The following ACSF3 variants were observed in gnomAD, a reference collection of about 807,000 sequenced individuals.
ACSF3 encodes malonate--CoA ligase ACSF3, mitochondrial.
A neutral mutation model predicts 53.2 loss-of-function variants in ACSF3; 78 were observed. The ratio of observed to expected loss-of-function variants is 1.47; its 90% confidence interval spans 1.22 to 1.77. The LOEUF is 1.77. Among genes scored for constraint, ACSF3 ranks in the 40% most tolerant of loss-of-function variants. ACSF3 has a pLI of 0.00. For missense variants in ACSF3, 937 were observed against 771.1 expected, an observed-to-expected ratio of 1.22 and a Z score of -2.55; for synonymous variants, 414 against 333.1, an observed-to-expected ratio of 1.24 and a Z score of -2.65.
chr16:89,099,998 G>C (rs1463045281), intron 2 of ACSF3, among the ~76,000 whole-genome samples: 2 of 151,902 alleles, frequency 1.3e-5, no homozygotes, highest in Non-Finnish European at 2.9e-5. Flanking sequence ...AAAAAAAGCT[G>C]GGTGTGGTAT....
At chr16:89,121,454 T>A (rs1906631101) in intron 7 of ACSF3, among the ~76,000 whole-genome samples, 1 of 152,196 alleles carries the variant, frequency 6.6e-6, no homozygotes, top group South Asian at 2.1e-4. Flanking sequence ...ATTCTAAAGC[T>A]GACAAGGGTG....
intron 8 of ACSF3, among the ~76,000 whole-genome samples, chr16:89,144,191 C>T (rs952833572): frequency 3.3e-5 from 5 of 152,250 alleles, no homozygotes; most frequent in Admixed American, 2.6e-4. Flanking sequence ...CCGCTCTTCC[C>T]GACTCCCCAC....
chr16:89,143,003 T>C (rs1912163424), intron 8 of ACSF3, among the ~76,000 whole-genome samples: 1 of 152,044 alleles, frequency 6.6e-6, no homozygotes, highest in Non-Finnish European at 1.5e-5. Flanking sequence ...TGACTCACCA[T>C]GTCATGAGCC....
chr16:89,150,122 C>A (rs557439868), intron 10 of ACSF3: 2 of 152,364 alleles, frequency 1.3e-5, no homozygotes, highest in East Asian at 3.9e-4. Flanking sequence ...AGCTCACCTA[C>A]AGCAAATTAT....
rs151029399 is a variant in ACSF3 at position 89,118,799 on chromosome 16, CAG to C, written c.1127-1999_1127-1998del. ...CGTTCCCTGGGTCCCAGTCCCCAGT[CAG>C]AGTTATCAGGGAGGGGCTGGCTGAC... On this transcript the variant is annotated intron_variant, in intron 6 of 10. Transcript: ENST00000614302. Among the ~76,000 whole-genome samples the C allele has an allele frequency of 7.9e-3, 1,201 of 152,292 alleles. 21 individuals are homozygous for C. The highest frequency in any genetic ancestry group is 0.028 in the African/African-American group (1,147 of 41,554).
chr16:89,152,186 G>A (rs1219822586), intron 10 of ACSF3: 1 of 152,282 alleles, frequency 6.6e-6, no homozygotes, highest in Non-Finnish European at 1.5e-5. Context: ...GTTAGAAACC[G>A]AGACGTTGGT....
At chr16:89,138,063 G>A (rs557853661) in intron 8 of ACSF3, among the ~76,000 whole-genome samples, 29 of 152,322 alleles carry the variant, frequency 1.9e-4, no homozygotes, top group African/African-American at 5.8e-4. Context: ...CTCAAGAAGC[G>A]AAAATCAGAG....
At chr16:89,119,463 G>T (rs928578223) in intron 6 of ACSF3, among the ~76,000 whole-genome samples, 1 of 152,250 alleles carries the variant, frequency 6.6e-6, no homozygotes, top group African/African-American at 2.4e-5. Context: ...CTGACTAGGG[G>T]AAGTGGGGGG....
chr16:89,103,727 T>C (rs1237601724), intron 4 of ACSF3, among the ~76,000 whole-genome samples: 2 of 152,050 alleles, frequency 1.3e-5, no homozygotes, highest in Non-Finnish European at 2.9e-5. Context: ...GAGGGTTACT[T>C]TGGAGTATTG....
At chr16:89,137,155 C>T (rs1357004155) in intron 8 of ACSF3, among the ~76,000 whole-genome samples, 1 of 152,224 alleles carries the variant, frequency 6.6e-6, no homozygotes, top group Non-Finnish European at 1.5e-5. Context: ...GGCATCCCTG[C>T]AGGGGTGAAT....
rs767946490 is a variant in ACSF3, at chr16:89,102,738, GC to G, written c.803del (p.Pro268LeufsTer13). ...GGGTGGGAGCCACCTGTGTGATGAT[GC>G]CTGAGTTCAGCCCTCAGCAGGTGAG... ...LWVGATCVMM[P>X]EFSPQQVWEK... On this transcript the variant is annotated frameshift_variant, in exon 4 of 11. Transcript: ENST00000614302. LOFTEE classifies it high-confidence loss of function. 1.2e-6 allele frequency: 2 copies of G among 1,612,894 alleles called. No homozygotes were observed. The highest frequency in any genetic ancestry group is 1.7e-6 in the Non-Finnish European group (2 of 1,180,026).
intron 4 of ACSF3, among the ~76,000 whole-genome samples, chr16:89,107,596 C>T: frequency 6.6e-6 from 1 of 152,208 alleles, no homozygotes; most frequent in East Asian, 1.9e-4. Context: ...TGTGCAGAAG[C>T]CACAGTGCGC....
intron 7 of ACSF3, among the ~76,000 whole-genome samples, chr16:89,131,121 C>CTTTTTCTTTTTTTTTTTTTTTTTTTTTTT (rs1909205594): frequency 8.7e-6 from 1 of 114,944 alleles, no homozygotes; most frequent in Non-Finnish European, 1.8e-5. Context: ...TTTTCTTTTT[C>CTTTTTCTTTTTTTTTTTTTTTTTTTTTTT]TTTTTCTTTT....
At chr16:89,126,837 G>A (rs142043358) in intron 7 of ACSF3, among the ~76,000 whole-genome samples, 165 of 152,294 alleles carry the variant, frequency 1.1e-3, no homozygotes, top group African/African-American at 3.7e-3. Context: ...GAAGCAGTCC[G>A]AGTGGACCTT....
At chr16:89,134,889 A>G (rs926065325) in intron 8 of ACSF3, among the ~76,000 whole-genome samples, 8 of 152,164 alleles carry the variant, frequency 5.3e-5, no homozygotes, top group African/African-American at 1.9e-4. Flanking sequence ...TCAGATGGAC[A>G]TTTGGATAGT....
At chr16:89,124,327 C>T (rs1176052472) in intron 7 of ACSF3, among the ~76,000 whole-genome samples, 2 of 152,068 alleles carry the variant, frequency 1.3e-5, no homozygotes, top group South Asian at 2.1e-4. Flanking sequence ...GTGTGAGACC[C>T]GTTTGCACAC....
At position 89,104,912 on chromosome 16, in the gene ACSF3, A is replaced by C. The variant is rs144328175; in HGVS notation, c.822+2153A>C. On this transcript the variant is annotated intron_variant, in intron 4 of 10. Transcript: ENST00000614302. ...AGATGATAACATTGGGCTTTAGAGA[A>C]AGACCTCTTTAAAATCTAGCAGTTA... Among the ~76,000 whole-genome samples, 1,326 of 152,328 alleles carry C rather than the reference A, an allele frequency of 8.7e-3. 20 individuals are homozygous for C. Among genetic ancestry groups the C allele is most frequent in the African/African-American group, 0.031 (1,284 of 41,576 alleles).
intron 1 of ACSF3, among the ~76,000 whole-genome samples, chr16:89,098,190 A>G (rs1052054514): frequency 1.3e-5 from 2 of 152,250 alleles, no homozygotes; most frequent in Non-Finnish European, 2.9e-5. Context: ...TGGCTCTGAC[A>G]ATTTTCATTG....
At chr16:89,107,522 G>A (rs770352014) in intron 4 of ACSF3, among the ~76,000 whole-genome samples, 10 of 152,230 alleles carry the variant, frequency 6.6e-5, no homozygotes. Context: ...TCACTGTGCT[G>A]TTGATCTGTG....
Sources: gnomAD v4.1 joint callset for allele counts (sites outside exome capture counted in the v4.1 genomes callset) on GRCh38, gnomAD v4.1.1 for gene constraint, MANE v1.5 for transcripts, NCBI Gene and HGNC (gene_info 2026-07-23, HGNC 2026-07-21) for gene names.